Variants in BATF2 observed in about 807,000 individuals in gnomAD.
BATF2 encodes basic leucine zipper ATF-like transcription factor 2, also known as basic leucine zipper transcriptional factor ATF-like 2.
Under a neutral mutation model 7.3 loss-of-function variants are expected in BATF2, and 4 were observed. That is an observed-to-expected ratio of 0.55 (90% CI 0.27 to 1.26). BATF2 has a LOEUF of 1.26. Among genes scored for constraint, BATF2 ranks in the 50% most tolerant of loss-of-function variants. The probability of loss-of-function intolerance (pLI) is 0.11; values close to 1 mark genes in which losing one functional copy is unlikely to be tolerated. For synonymous variants in BATF2, 152 were observed against 153.9 expected, an observed-to-expected ratio of 0.99 and a Z score of 0.09; for missense variants, 295 against 340.5, an observed-to-expected ratio of 0.87 and a Z score of 1.05.
Position 64,987,994 on chromosome 11 carries a change from T to G in BATF2, c.*1135A>C, listed in dbSNP as rs1002534280. 6.6e-6 allele frequency: 1 copy of G among 152,198 alleles called. No homozygotes were observed. Among genetic ancestry groups the G allele is most frequent in the Admixed American group, 6.5e-5 (1 of 15,276 alleles). The allele number at this position is 152,198 out of a possible 1,614,324, so 9.4% of individuals were successfully genotyped here. A position where few individuals can be genotyped will look rare whatever the true frequency, so the allele number is the denominator to read the frequency against. Reference sequence around the variant, plus strand: ...CATCACATATGTGCCAAGACTTGTGTTCTGTATCCAGGAGTGTGTTAGATA... The same window carrying G: ...CATCACATATGTGCCAAGACTTGTGGTCTGTATCCAGGAGTGTGTTAGATA... On this transcript the variant is annotated 3_prime_UTR_variant, in exon 3 of 3. Coordinates refer to ENST00000301887, the MANE Select transcript of BATF2 (RefSeq NM_138456.4).
At chr11:64,992,238 G>A (rs1946082489) in intron 2 of BATF2, among the ~76,000 whole-genome samples, 1 of 152,010 alleles carries the variant, frequency 6.6e-6, no homozygotes, top group Non-Finnish European at 1.5e-5. Flanking sequence ...GCTAATTTTT[G>A]TATTTTTAGT....
At chr11:64,994,330 G>T in intron 2 of BATF2, 118 bp downstream of exon 2, 1 of 989,624 alleles carries the variant, frequency 1.0e-6, no homozygotes, top group South Asian at 1.5e-5. Flanking sequence ...CCAAACTCAG[G>T]TGACCTAGAA....
At chr11:64,991,862 C>T (rs971107801) in intron 2 of BATF2, among the ~76,000 whole-genome samples, 39 of 152,198 alleles carry the variant, frequency 2.6e-4, no homozygotes, top group African/African-American at 9.2e-4. Flanking sequence ...GCGTGGGTCT[C>T]CTAGGCACCA....
At chr11:64,990,112 A>G (rs2136875469) in intron 2 of BATF2, 1 of 1,535,654 alleles carries the variant, frequency 6.5e-7, no homozygotes, top group East Asian at 2.4e-5. Flanking sequence ...GTGTCCCCCA[A>G]ACCACCTATT....
At position 64,989,642 on chromosome 11, in the gene BATF2, C is replaced by T. The variant is rs1372976322; in HGVS notation, c.312G>A (p.Glu104=). 2 of 1,612,860 alleles carry T rather than the reference C, an allele frequency of 1.2e-6. No homozygotes were observed. The highest frequency in any genetic ancestry group is 1.7e-5 in the Admixed American group (1 of 59,852). The stretch of plus-strand genomic sequence containing the variant: ...CCTGTGGGCCAGGGCCCAGGAGCCC[C>T]TCAGCCTGGTCCCAGCAGCCCAGGA... ...PGLLGCWDQA[E]GLLGPGPQGQ... Residue 104 remains glutamate, a synonymous_variant, in exon 3 of 3, where the codon GAG becomes GAA. Transcript: ENST00000301887. The surrounding 1 kb of genome is among the most constrained non-coding windows in gnomAD (Gnocchi z 4.3).
At chr11:64,996,084 A>C (rs188987320) in intron 1 of BATF2, among the ~76,000 whole-genome samples, 631 of 151,858 alleles carry the variant, frequency 4.2e-3, no homozygotes, top group Non-Finnish European at 7.3e-3. Flanking sequence ...CAGCCTCCTG[A>C]GAAGCTGGGA....
chr11:64,990,249 G>A (rs879260751), intron 2 of BATF2: 1 of 1,531,620 alleles, frequency 6.5e-7, no homozygotes, highest in Non-Finnish European at 8.7e-7. Context: ...CAGACCTCCG[G>A]TCTCCTCTCT....
rs780019934 is a variant in BATF2 at position 64,994,435 on chromosome 11, G to A, written c.141+13C>T. ...AGCCAGAGACAAGGAAAGGGGTTAG[G>A]GGTTGTCCACACCTGGTGCAGGGCG... On this transcript the variant is annotated intron_variant, in intron 2 of 2. Transcript: ENST00000301887. 7.7e-6 allele frequency: 12 copies of A among 1,564,438 alleles called. No individual in the cohort carries two copies. The African/African-American group carries it at 8.1e-5, about 11-fold the overall frequency.
At chr11:64,990,493 T>C in intron 2 of BATF2, 1 of 1,205,284 alleles carries the variant, frequency 8.3e-7, no homozygotes, top group Non-Finnish European at 1.0e-6. Context: ...ATTCAGGGGA[T>C]TGTTTTACAG....
At chr11:64,993,490 C>T (rs1007473772) in intron 2 of BATF2, among the ~76,000 whole-genome samples, 2 of 152,196 alleles carry the variant, frequency 1.3e-5, no homozygotes, top group African/African-American at 2.4e-5. Context: ...GAAGAGCACC[C>T]TCATCTGGAA....
At chr11:64,996,445 C>T (rs1386889341) in intron 1 of BATF2, among the ~76,000 whole-genome samples, 1 of 152,072 alleles carries the variant, frequency 6.6e-6, no homozygotes, top group African/African-American at 2.4e-5. Flanking sequence ...CTAGTAGAGA[C>T]GGGGTTTCGC....
chr11:64,991,281 C>T (rs1312588822), intron 2 of BATF2, among the ~76,000 whole-genome samples: 2 of 151,462 alleles, frequency 1.3e-5, no homozygotes, highest in Non-Finnish European at 1.5e-5. Context: ...CTCAGCCTCC[C>T]GAGTAGCTGG....
chr11:64,994,916 T>C (rs1946100284), intron 1 of BATF2, among the ~76,000 whole-genome samples: 1 of 152,138 alleles, frequency 6.6e-6, no homozygotes. Flanking sequence ...CGGCTCTATC[T>C]TGGCTCACTG....
intron 2 of BATF2, among the ~76,000 whole-genome samples, chr11:64,990,800 C>A (rs567920866): frequency 1.3e-5 from 2 of 151,422 alleles, no homozygotes; most frequent in Admixed American, 6.6e-5. Context: ...ACTCAAAGTT[C>A]TTTTTTTTGA....
chr11:64,993,188 C>T lies in BATF2; in HGVS notation c.141+1260G>A, dbSNP rs1946089306. 3.9e-5 allele frequency among the ~76,000 whole-genome samples: 6 copies of T among 152,026 alleles called. No individual in the cohort carries two copies. The South Asian group carries it at 8.3e-4, about 21-fold the overall frequency. ...CAGCCTGGCCAACATGGTGAAACCC[C>T]GTCTCTGCTAAAAATACAAAAATTA... On this transcript the variant is annotated intron_variant, in intron 2 of 2. Coordinates refer to ENST00000301887, the MANE Select transcript of BATF2 (RefSeq NM_138456.4).
rs1397623224 is a variant in BATF2, at chr11:64,989,210, A to C, written c.744T>G (p.Thr248=). Residue 248 remains threonine (T), a synonymous_variant, in exon 3 of 3, where the codon ACT becomes ACG. Coordinates refer to ENST00000301887, the MANE Select transcript of BATF2 (RefSeq NM_138456.4). This position sits in a 1 kb window ranked among gnomAD's most constrained non-coding sequence, Gnocchi z 4.3. ...REHKPALSAA[T]WQGLVVDPSP... is the part of the protein sequence containing the mutation. ...TGGGATCCACAACCAGCCCTTGCCA[A>C]GTGGCTGCTGAGAGAGCAGGTTTGT... The C allele has an allele frequency of 1.2e-6, 2 of 1,614,022 alleles. No individual in the cohort carries two copies. The highest frequency in any genetic ancestry group is 1.7e-6 in the Non-Finnish European group (2 of 1,180,026).
At chr11:64,994,407 T>C in intron 2 of BATF2, 41 bp downstream of exon 2, 3 of 1,539,808 alleles carry the variant, frequency 1.9e-6, no homozygotes, top group Non-Finnish European at 2.6e-6. Flanking sequence ...GGCCAGTAAG[T>C]GGAGCCAGAG....
intron 2 of BATF2, chr11:64,990,283 C>A: frequency 6.6e-7 from 1 of 1,506,968 alleles, no homozygotes; most frequent in East Asian, 2.5e-5. Flanking sequence ...TTGCTCCCCT[C>A]CCTTCCTGAC....
rs1381558184 is a variant in BATF2, at chr11:64,989,721, T to A, written c.233A>T (p.His78Leu). ...AELAWWSRTL[H>L]VHERLCPMDC... ...CATGGGGCACAGGCGCTCATGCACG[T>A]GCAGGGTCCGGCTCCACCACGCCAG... The change falls in exon 3 of 3, where the codon CAC (histidine) becomes CTC (leucine). Residue 78 changes from histidine (H) to leucine (L), a missense_variant. Transcript: ENST00000301887. This position sits in a 1 kb window ranked among gnomAD's most constrained non-coding sequence, Gnocchi z 4.3. 6.2e-7 allele frequency: 1 copy of A among 1,613,868 alleles called. No homozygotes were observed. Among genetic ancestry groups the A allele is most frequent in the African/African-American group, 1.3e-5 (1 of 74,930 alleles).
Sources: allele counts gnomAD v4.1 joint callset (sites outside exome capture counted in the v4.1 genomes callset), GRCh38; gene constraint gnomAD v4.1.1; non-coding constraint Gnocchi (gnomAD v3.1); transcripts MANE v1.5; gene names NCBI Gene and HGNC (gene_info 2026-07-23, HGNC 2026-07-21).